The following KCNN2 variants were observed in gnomAD, a reference collection of about 807,000 sequenced individuals.
KCNN2 encodes potassium calcium-activated channel subfamily N member 2.
A neutral mutation model predicts 55.5 loss-of-function variants in KCNN2; 24 were observed. The ratio of observed to expected loss-of-function variants is 0.43; its 90% CI spans 0.31 to 0.61. The LOEUF is 0.61. Among genes scored for constraint, KCNN2 ranks in the 20% least tolerant of loss-of-function variants. The probability of loss-of-function intolerance (pLI) is 0.08; values close to 1 mark genes in which losing one functional copy is unlikely to be tolerated. For synonymous variants in KCNN2, 431 were observed against 336.1 expected (o/e 1.28, Z -3.09); for missense variants, 754 against 853.6 (o/e 0.88, Z 1.45).
intron 5 of KCNN2, chr5:114,486,625 C>A: frequency 1.5e-6 from 1 of 667,004 alleles, no homozygotes; most frequent in Non-Finnish European, 2.3e-6. Context: ...CAGTAGTGCA[C>A]AGCCAGAAAT....
intron 2 of KCNN2, among the ~76,000 whole-genome samples, chr5:114,355,758 G>C (rs909278814): frequency 3.3e-5 from 5 of 152,168 alleles, no homozygotes; most frequent in African/African-American, 9.6e-5. Flanking sequence ...CTTATTATTT[G>C]AAAAAACTAA....
At chr5:114,204,665 G>A (rs1355098868) in intron 1 of KCNN2, among the ~76,000 whole-genome samples, 1 of 152,200 alleles carries the variant, frequency 6.6e-6, no homozygotes, top group Admixed American at 6.5e-5. Context: ...ATACTCAGTA[G>A]CCACTTTTAG....
At chr5:114,492,011 A>C (rs193118905) in intron 6 of KCNN2, among the ~76,000 whole-genome samples, 250 of 152,302 alleles carry the variant, frequency 1.6e-3, no homozygotes, top group African/African-American at 6.0e-3. Context: ...TCTCTGTAAT[A>C]GCATAAAAAG....
At chr5:114,346,490 G>C (rs1225635710) in intron 2 of KCNN2, among the ~76,000 whole-genome samples, 1 of 152,082 alleles carries the variant, frequency 6.6e-6, no homozygotes, top group African/African-American at 2.4e-5. Context: ...TGAGTAATGA[G>C]GGCCAGATGT....
chr5:114,338,985 G>C (rs941396201), intron 2 of KCNN2, among the ~76,000 whole-genome samples: 5 of 152,160 alleles, frequency 3.3e-5, no homozygotes, highest in African/African-American at 1.2e-4. Flanking sequence ...TTTGACCTTG[G>C]GCCATTAAAG....
chr5:114,428,321 A>C (rs1313108392), intron 3 of KCNN2, among the ~76,000 whole-genome samples: 1 of 152,284 alleles, frequency 6.6e-6, no homozygotes, highest in Admixed American at 6.5e-5. Context: ...AAAAGTATTA[A>C]ATGAATCTGC....
intron 2 of KCNN2, among the ~76,000 whole-genome samples, chr5:114,341,183 A>G (rs558048464): frequency 2.6e-5 from 4 of 152,316 alleles, no homozygotes; most frequent in South Asian, 2.1e-4. Flanking sequence ...GACTGACTCT[A>G]TATGTTAGTT....
intron 2 of KCNN2, among the ~76,000 whole-genome samples, chr5:114,269,358 A>C (rs530469483): frequency 6.6e-6 from 1 of 152,078 alleles, no homozygotes; most frequent in African/African-American, 2.4e-5. Flanking sequence ...CTAACTTCCA[A>C]ACTGATTCTT....
At chr5:114,341,971 G>A (rs912163241) in intron 2 of KCNN2, among the ~76,000 whole-genome samples, 8 of 150,206 alleles carry the variant, frequency 5.3e-5, no homozygotes, top group Non-Finnish European at 7.4e-5. Context: ...GCATGATCTC[G>A]GCTCACTGCA....
chr5:114,158,118 A>G (rs1210873147), intron 1 of KCNN2, among the ~76,000 whole-genome samples: 1 of 152,042 alleles, frequency 6.6e-6, no homozygotes, highest in Non-Finnish European at 1.5e-5. Context: ...GTTTTCTTCT[A>G]GGGTTTTTAT....
intron 2 of KCNN2, among the ~76,000 whole-genome samples, chr5:114,279,807 A>G (rs1417273326): frequency 3.3e-5 from 5 of 152,134 alleles, no homozygotes; most frequent in East Asian, 1.9e-4. Flanking sequence ...TCCTTTGGGT[A>G]TATACCCAGT....
intron 2 of KCNN2, among the ~76,000 whole-genome samples, chr5:114,388,510 T>G (rs1156281365): frequency 2.0e-5 from 3 of 152,224 alleles, no homozygotes; most frequent in African/African-American, 7.2e-5. Context: ...CTTGCTTTTT[T>G]GACTTTCTCC....
chr5:114,213,145 C>G (rs4235754), intron 1 of KCNN2, among the ~76,000 whole-genome samples: 45,304 of 151,730 alleles, frequency 0.3, 6,889 homozygotes, highest in Middle Eastern at 0.44. Flanking sequence ...TCCTTTGTCT[C>G]CATAGTTGAT....
intron 1 of KCNN2, among the ~76,000 whole-genome samples, chr5:114,154,616 G>A (rs1752593599): frequency 6.6e-6 from 1 of 152,120 alleles, no homozygotes. Context: ...ATATAAATCA[G>A]TATAGTCTAC....
chr5:114,203,205 C>G (rs1430954482), intron 1 of KCNN2, among the ~76,000 whole-genome samples: 1 of 152,040 alleles, frequency 6.6e-6, no homozygotes, highest in East Asian at 1.9e-4. Context: ...TATTAAATAT[C>G]TAATTGTATT....
intron 1 of KCNN2, among the ~76,000 whole-genome samples, chr5:114,160,057 G>C: frequency 6.6e-6 from 1 of 152,098 alleles, no homozygotes; most frequent in East Asian, 1.9e-4. Context: ...TTTTGAATGT[G>C]TTTGCTCTTG....
At chr5:114,206,830 C>G (rs1203636538) in intron 1 of KCNN2, among the ~76,000 whole-genome samples, 1 of 151,730 alleles carries the variant, frequency 6.6e-6, no homozygotes, top group Non-Finnish European at 1.5e-5. Context: ...TTACAAAGGT[C>G]TAGCCCCACT....
intron 2 of KCNN2, among the ~76,000 whole-genome samples, chr5:114,260,936 GA>G (rs1755095751): frequency 6.6e-6 from 1 of 152,052 alleles, no homozygotes; most frequent in East Asian, 1.9e-4. Flanking sequence ...GAAGGAAGAG[GA>G]AAAAAGAAGA....
At chr5:114,289,205 T>C (rs1276768579) in intron 2 of KCNN2, among the ~76,000 whole-genome samples, 1 of 152,160 alleles carries the variant, frequency 6.6e-6, no homozygotes, top group Non-Finnish European at 1.5e-5. Context: ...CTGGTCTGTA[T>C]GTTTATCCTT....
Sources: gnomAD v4.1 joint callset for allele counts (sites outside exome capture counted in the v4.1 genomes callset) on GRCh38, gnomAD v4.1.1 for gene constraint, MANE v1.5 for transcripts, NCBI Gene and HGNC (gene_info 2026-07-23, HGNC 2026-07-21) for gene names.